The following MUC5AC variants were observed in gnomAD, a reference collection of about 807,000 sequenced individuals.
The protein encoded by MUC5AC is mucin-5AC.
In MUC5AC, 158 loss-of-function variants were observed where a neutral mutation model predicts 169.7. The observed-to-expected ratio is 0.93, with a 90% CI of 0.82 to 1.06. The LOEUF (loss-of-function observed/expected upper bound fraction) is 1.06, where lower values mean the gene tolerates loss of function less well. Among genes scored for constraint, MUC5AC ranks in the 50% least tolerant of loss-of-function variants. The pLI, the probability that MUC5AC is intolerant of heterozygous loss-of-function variation, is 0.00. For synonymous variants in MUC5AC, 1,975 were observed against 1,237.0 expected, an observed-to-expected ratio of 1.60 and a Z score of -12.52; for missense variants, 4,359 against 3,089.9, an observed-to-expected ratio of 1.41 and a Z score of -9.74.
rs1860950392 is a variant in MUC5AC at position 1,186,500 on chromosome 11, A to C, written c.8355A>C (p.Thr2785=). The C allele has an allele frequency of 2.9e-6, 2 of 694,854 alleles. No individual in the cohort carries two copies. Among genetic ancestry groups the C allele is most frequent in the South Asian group, 3.0e-5 (2 of 65,856 alleles). The allele number at this position is 694,854 out of a possible 1,614,324, so 43.0% of individuals were successfully genotyped here. A position where few individuals can be genotyped will look rare whatever the true frequency, so the allele number is the denominator to read the frequency against. Residue 2785 remains threonine (T), a synonymous_variant, in exon 31 of 49, where the codon ACA becomes ACC. Coordinates refer to ENST00000621226, the MANE Select transcript of MUC5AC (RefSeq NM_001304359.2). ...CAACCAGCACAATCTCTGCCCCTAC[A>C]ACCAGCACAACTTTGTCTCCTACAA... ...ATTTSTISAP[T]TSTTLSPTTS...
Position 1,182,400 on chromosome 11 carries a change from C to G in MUC5AC, c.4255C>G (p.Arg1419Gly), listed in dbSNP as rs1352819531. 2 of 398,612 alleles carry G rather than the reference C, an allele frequency of 5.0e-6. No homozygotes were observed. 24.7% of individuals were successfully genotyped at this position (398,612 alleles called of 1,614,324 possible). Residue 1419 changes from arginine to glycine, a missense_variant, in exon 31 of 49, where the codon CGG (arginine) becomes GGG (glycine). Arg to Gly is a moderately radical substitution (Grantham distance 125). Coordinates refer to ENST00000621226, the MANE Select transcript of MUC5AC (RefSeq NM_001304359.2). ...TLENLRAHGY[R>G]VCESPRSVEC... ...GGAGAACCTCCGCGCCCATGGGTAC[C>G]GGGTGTGCGAATCACCCAGGTCGGT...
chr11:1,186,403 C>G lies in MUC5AC; in HGVS notation c.8258C>G (p.Thr2753Arg). The G allele has an allele frequency of 1.4e-6, 1 of 705,408 alleles. No individual in the cohort carries two copies. The highest frequency in any genetic ancestry group is 2.6e-6 in the Non-Finnish European group (1 of 386,628). The allele number at this position is 705,408 out of a possible 1,614,324, so 43.7% of individuals were successfully genotyped here. Reference protein sequence around the residue: ...APTPRRTSAPTTSTISASTTS... With the variant: ...APTPRRTSAPRTSTISASTTS... ...ACACCCAGAAGAACCTCAGCCCCTA[C>G]AACCAGCACAATCTCTGCCTCTACC... The change falls in exon 31 of 49, where the codon ACA becomes AGA. Residue 2753 changes from threonine to arginine, a missense_variant. By Grantham distance (71) the Thr-to-Arg change is moderately conservative. Coordinates refer to ENST00000621226, the MANE Select transcript of MUC5AC (RefSeq NM_001304359.2).
Position 1,177,549 on chromosome 11 carries a change from C to T in MUC5AC, c.3003C>T (p.Tyr1001=). The change falls in exon 24 of 49, where the codon TAC becomes TAT. Residue 1001 remains tyrosine (Y), a synonymous_variant. Transcript: ENST00000621226. ...ACACCATCCGGCAGATGGGCATCTA[C>T]CTGGTGGTGGACACCGACATTGGCC... ...VPYTIRQMGI[Y]LVVDTDIGLV... 1 of 398,724 alleles carries T rather than the reference C, an allele frequency of 2.5e-6. No individual in the cohort carries two copies. The highest frequency in any genetic ancestry group is 6.3e-4 in the Middle Eastern group (1 of 1,592). The allele number at this position is 398,724 out of a possible 1,614,324, so 24.7% of individuals were successfully genotyped here. A position where few individuals can be genotyped will look rare whatever the true frequency, so the allele number is the denominator to read the frequency against.
chr11:1,162,875 C>T (rs1860186156), intron 5 of MUC5AC, 80 bp from the exon 6 acceptor site: 4 of 1,418,964 alleles, frequency 2.8e-6, no homozygotes, highest in Middle Eastern at 1.7e-4. Context: ...CTCGGCCCCT[C>T]CTCGGAAATC....
intron 30 of MUC5AC, among the ~76,000 whole-genome samples, chr11:1,181,674 C>T (rs1461762495): frequency 6.6e-6 from 1 of 152,086 alleles, no homozygotes; most frequent in African/African-American, 2.4e-5. Flanking sequence ...CTCCAAGTCA[C>T]CCCAGCAGGC....
At chr11:1,197,873 C>T (rs1292020486) in intron 41 of MUC5AC, 30 bp from the exon 42 acceptor site, 1 of 699,540 alleles carries the variant, frequency 1.4e-6, no homozygotes, top group Admixed American at 2.0e-5. Flanking sequence ...GGGGGACAGA[C>T]TCCTAATTGC....
Position 1,184,566 on chromosome 11 carries a change from G to A in MUC5AC, c.6421G>A (p.Glu2141Lys). The change falls in exon 31 of 49, where the codon GAA becomes AAA. Residue 2141 changes from glutamate (E) to lysine (K), a missense_variant. Glu to Lys is a moderately conservative substitution (Grantham distance 56). Coordinates refer to ENST00000621226, the MANE Select transcript of MUC5AC (RefSeq NM_001304359.2). ...PSPGPHGGDKETYNNIIRSGE... is the reference protein window; with the variant it reads ...PSPGPHGGDKKTYNNIIRSGE... ...CCCCGGACCCCATGGTGGAGACAAG[G>A]AAACCTACAACAACATCATCAGGAG... 1 of 637,026 alleles carries A rather than the reference G, an allele frequency of 1.6e-6. No homozygotes were observed. Among genetic ancestry groups the A allele is most frequent in the Non-Finnish European group, 2.8e-6 (1 of 353,090 alleles). The allele number at this position is 637,026 out of a possible 1,614,324, so 39.5% of individuals were successfully genotyped here.
At chr11:1,170,148 C>T (rs1860460574) in intron 15 of MUC5AC, among the ~76,000 whole-genome samples, 1 of 75,190 alleles carries the variant, frequency 1.3e-5, no homozygotes, top group Non-Finnish European at 2.6e-5. Flanking sequence ...CCCACTCACC[C>T]ATTCACCCAT....
intron 5 of MUC5AC, 32 bp downstream of exon 5, chr11:1,162,678 A>G (rs1278271940): frequency 1.3e-6 from 2 of 1,591,592 alleles, no homozygotes; most frequent in African/African-American, 1.3e-5. Flanking sequence ...CCGGTGTGCA[A>G]CTCCAGCCCT....
intron 33 of MUC5AC, 80 bp from the exon 34 acceptor site, chr11:1,194,030 G>A (rs1393196463): frequency 4.6e-6 from 3 of 645,798 alleles, no homozygotes; most frequent in Non-Finnish European, 5.4e-6. Context: ...AGGGACAGAT[G>A]TGACCTGTTG....
Position 1,164,428 on chromosome 11 carries a change from T to C in MUC5AC, c.1025T>C (p.Met342Thr). The C allele has an allele frequency of 6.2e-7, 1 of 1,612,322 alleles. No individual in the cohort carries two copies. Among genetic ancestry groups the C allele is most frequent in the Non-Finnish European group, 8.5e-7 (1 of 1,179,750 alleles). Residue 342 changes from methionine (M) to threonine (T), a missense_variant, in exon 9 of 49, where the codon ATG (methionine) becomes ACG (threonine). Transcript: ENST00000621226. ...DFCPQKCPNN[M>T]QYHECRSPCA... is the part of the protein sequence containing the mutation. ...GCAGCCCAGAAGTGCCCCAACAACATGCAGTACCACGAGTGCCGCTCCCCC... is the reference window on the plus strand; with the variant it reads ...GCAGCCCAGAAGTGCCCCAACAACACGCAGTACCACGAGTGCCGCTCCCCC...
In MUC5AC at chr11:1,186,374, T is replaced by A. The variant is rs1182880960; in HGVS notation, c.8229T>A (p.Ala2743=). Reference sequence around the variant, plus strand: ...CCACTACAACCAGCACGACCTCTGCTCCTACACCCAGAAGAACCTCAGCCC... The same window carrying A: ...CCACTACAACCAGCACGACCTCTGCACCTACACCCAGAAGAACCTCAGCCC... ...TSATTTSTTS[A]PTPRRTSAPT... Residue 2743 remains alanine (A), a synonymous_variant, in exon 31 of 49, where the codon GCT becomes GCA. Coordinates refer to ENST00000621226, the MANE Select transcript of MUC5AC (RefSeq NM_001304359.2). 7.1e-6 allele frequency: 5 copies of A among 706,208 alleles called. No homozygotes were observed. The highest frequency in any genetic ancestry group is 1.3e-5 in the Non-Finnish European group (5 of 388,940). The allele number at this position is 706,208 out of a possible 1,614,324, so 43.7% of individuals were successfully genotyped here.
At chr11:1,166,363 C>A (rs1195861068) in intron 11 of MUC5AC, among the ~76,000 whole-genome samples, 2 of 148,164 alleles carry the variant, frequency 1.3e-5, no homozygotes, top group Non-Finnish European at 1.5e-5. Context: ...TGGTGAGACC[C>A]TGCACCCGAC....
At chr11:1,168,347 G>A (rs1860393751) in intron 12 of MUC5AC, 136 bp from the exon 13 acceptor site, 1 of 818,524 alleles carries the variant, frequency 1.2e-6, no homozygotes, top group South Asian at 1.5e-5. Flanking sequence ...AATCAGGCGA[G>A]CACAAGGCCA....
At position 1,174,594 on chromosome 11, in the gene MUC5AC, G is replaced by T. The variant is rs1229907377; in HGVS notation, c.2064G>T (p.Gln688His). 8.5e-6 allele frequency: 12 copies of T among 1,413,346 alleles called. No homozygotes were observed. The highest frequency in any genetic ancestry group is 1.1e-5 in the Non-Finnish European group (11 of 1,033,002). 87.6% of individuals were successfully genotyped at this position (1,413,346 alleles called of 1,614,324 possible). Residue 688 changes from glutamine to histidine, a missense_variant, in exon 17 of 49, where the codon CAG becomes CAT. Physicochemically the swap from Gln to His is conservative, Grantham distance 24. Transcript: ENST00000621226. The stretch of plus-strand genomic sequence containing the variant: ...ACGCCTGTGCCGCCAAGGGCGTGCA[G>T]CTCGGCGGCTGGAGGGACGGCGTCT... The part of the protein sequence containing the change: ...YVHACAAKGV[Q>H]LGGWRDGVCT...
Position 1,186,517 on chromosome 11 carries a change from C to T in MUC5AC, c.8372C>T (p.Ser2791Phe), listed in dbSNP as rs1343223357. 2 of 694,942 alleles carry T rather than the reference C, an allele frequency of 2.9e-6. No homozygotes were observed. The highest frequency in any genetic ancestry group is 4.0e-5 in the Admixed American group (2 of 49,642). 43.0% of individuals were successfully genotyped at this position (694,942 alleles called of 1,614,324 possible). ...GCCCCTACAACCAGCACAACTTTGTCTCCTACAACCAGCACAACCTCTACT... is the reference window on the plus strand; with the variant it reads ...GCCCCTACAACCAGCACAACTTTGTTTCCTACAACCAGCACAACCTCTACT... ...ISAPTTSTTLSPTTSTTSTTI... is the reference protein window; with the variant it reads ...ISAPTTSTTLFPTTSTTSTTI... The change falls in exon 31 of 49, where the codon TCT (serine) becomes TTT (phenylalanine). Residue 2791 changes from serine (S) to phenylalanine (F), a missense_variant. Physicochemically the swap from Ser to Phe is radical, Grantham distance 155. Coordinates refer to ENST00000621226, the MANE Select transcript of MUC5AC (RefSeq NM_001304359.2).
chr11:1,184,951 C>T lies in MUC5AC; in HGVS notation c.6806C>T (p.Thr2269Ile), dbSNP rs1157015671. The T allele has an allele frequency of 6.0e-6, 4 of 668,258 alleles. No homozygotes were observed. Among genetic ancestry groups the T allele is most frequent in the Non-Finnish European group, 1.1e-5 (4 of 368,172 alleles). The allele number at this position is 668,258 out of a possible 1,614,324, so 41.4% of individuals were successfully genotyped here. Residue 2269 changes from threonine to isoleucine, a missense_variant, in exon 31 of 49, where the codon ACC becomes ATC. Physicochemically the swap from Thr to Ile is moderately conservative, Grantham distance 89. Transcript: ENST00000621226. ...ACCTCCACTCCACAGACCAGTACAA[C>T]CTATGCCCATACAACCAGCACAACC... ...STTSTPQTST[T>I]YAHTTSTTSA...
rs74521398 is a variant in MUC5AC at position 1,169,052 on chromosome 11, G to T, written c.1870+26G>T. 7.4e-3 allele frequency: 11,286 copies of T among 1,524,624 alleles called. 57 individuals are homozygous for T. The highest frequency in any genetic ancestry group is 8.5e-3 in the Non-Finnish European group (9,663 of 1,134,242). 94.4% of individuals were successfully genotyped at this position (1,524,624 alleles called of 1,614,324 possible). A position where few individuals can be genotyped will look rare whatever the true frequency, so the allele number is the denominator to read the frequency against. ...GTACGGGTGTCCACGGCTCGCCTCTGTGCTGGCCGCCTGGCGCTGGTTCAC... is the reference window on the plus strand; with the variant it reads ...GTACGGGTGTCCACGGCTCGCCTCTTTGCTGGCCGCCTGGCGCTGGTTCAC... On this transcript the variant is annotated intron_variant, in intron 15 of 48. Coordinates refer to ENST00000621226, the MANE Select transcript of MUC5AC (RefSeq NM_001304359.2).
rs1861025578 is a variant in MUC5AC at position 1,189,324 on chromosome 11, A to C, written c.11179A>C (p.Ser3727Arg). The C allele has an allele frequency of 1.7e-6, 1 of 574,516 alleles. No homozygotes were observed. Among genetic ancestry groups the C allele is most frequent in the Non-Finnish European group, 3.1e-6 (1 of 324,178 alleles). 35.6% of individuals were successfully genotyped at this position (574,516 alleles called of 1,614,324 possible). A position where few individuals can be genotyped will look rare whatever the true frequency, so the allele number is the denominator to read the frequency against. Residue 3727 changes from serine (S) to arginine (R), a missense_variant, in exon 31 of 49, where the codon AGC becomes CGC. Physicochemically the swap from Ser to Arg is moderately radical, Grantham distance 110. Transcript: ENST00000621226. ...CACCACATCCTCTGCCCCTACAAGC[A>C]GCACAACCTCGGCTCCTACCACCAG... Reference protein sequence around the residue: ...QTTTSSAPTSSTTSAPTTSTI... With the variant: ...QTTTSSAPTSRTTSAPTTSTI...
Sources: allele counts gnomAD v4.1 joint callset (sites outside exome capture counted in the v4.1 genomes callset), GRCh38; gene constraint gnomAD v4.1.1; transcripts MANE v1.5; gene names NCBI Gene and HGNC (gene_info 2026-07-23, HGNC 2026-07-21).